The following VDAC2 variants were observed in gnomAD, a reference collection of about 807,000 sequenced individuals.
VDAC2 encodes the protein voltage dependent anion channel 2, also known as non-selective voltage-gated ion channel VDAC2.
VDAC2 carries 6 observed loss-of-function variants against 36.6 expected under a neutral mutation model. The observed-to-expected ratio is 0.16, with a 90% CI of 0.09 to 0.32. The LOEUF (loss-of-function observed/expected upper bound fraction) is 0.32. VDAC2 is among the 10% of genes least tolerant of loss of function. The pLI is 1.00. For synonymous variants in VDAC2, 109 were observed against 123.8 expected (o/e 0.88, Z 0.79); for missense variants, 247 against 346.0 (o/e 0.71, Z 2.27).
intron 7 of VDAC2, 79 bp from the exon 8 acceptor site, chr10:75,222,173 G>A: frequency 7.1e-7 from 1 of 1,411,742 alleles, no homozygotes; most frequent in Non-Finnish European, 9.6e-7. Flanking sequence ...TTATTTAAAT[G>A]TAATGCTACA....
chr10:75,222,964 T>C (rs1306063491), intron 8 of VDAC2, among the ~76,000 whole-genome samples: 1 of 151,448 alleles, frequency 6.6e-6, no homozygotes, highest in African/African-American at 2.4e-5. Flanking sequence ...GCTAGTATTT[T>C]AATCATCACT....
rs544811360 is a variant in VDAC2 at position 75,211,060 on chromosome 10, C to T, written c.-25-74C>T. ...AGATGGCCGCGCTGCCCCGCGGCCC[C>T]TCGCCCCTCTCTGCCCGGGATCTCC... On this transcript the variant is annotated intron_variant, in intron 1 of 9. Coordinates refer to ENST00000332211, the MANE Select transcript of VDAC2 (RefSeq NM_001391963.1). The T allele has an allele frequency of 2.7e-5, 38 of 1,410,276 alleles. No individual in the cohort carries two copies. The Middle Eastern group carries it at 5.4e-4, about 20-fold the overall frequency. The allele number at this position is 1,410,276 out of a possible 1,614,324, so 87.4% of individuals were successfully genotyped here.
intron 8 of VDAC2, among the ~76,000 whole-genome samples, chr10:75,223,303 C>T (rs1302043122): frequency 6.6e-6 from 1 of 152,116 alleles, no homozygotes; most frequent in Non-Finnish European, 1.5e-5. Context: ...AATTGCACTA[C>T]AGCAATAAAA....
chr10:75,214,967 G>A (rs1841554030), intron 4 of VDAC2, among the ~76,000 whole-genome samples: 1 of 152,016 alleles, frequency 6.6e-6, no homozygotes, highest in African/African-American at 2.4e-5. Context: ...TGCAGTGAGT[G>A]CAGTGGCACA....
chr10:75,230,257 C>T (rs1842065466), intron 9 of VDAC2, among the ~76,000 whole-genome samples: 1 of 152,114 alleles, frequency 6.6e-6, no homozygotes, highest in African/African-American at 2.4e-5. Context: ...ATTTTGAAAC[C>T]TAAAGAAAAG....
intron 8 of VDAC2, 142 bp downstream of exon 8, chr10:75,222,544 T>C (rs1841843827): frequency 1.7e-6 from 2 of 1,166,368 alleles, no homozygotes; most frequent in East Asian, 4.7e-5. Flanking sequence ...TGAAATGCGC[T>C]TTTTTGATGG....
intron 4 of VDAC2, chr10:75,217,878 C>T (rs979838706): frequency 1.6e-6 from 2 of 1,258,158 alleles, no homozygotes; most frequent in Non-Finnish European, 2.1e-6. Flanking sequence ...TGATATTTCT[C>T]ACTCTACAGA....
At chr10:75,227,038 C>G (rs1410747238) in intron 8 of VDAC2, among the ~76,000 whole-genome samples, 1 of 152,158 alleles carries the variant, frequency 6.6e-6, no homozygotes, top group Non-Finnish European at 1.5e-5. Flanking sequence ...AACAATAATA[C>G]ATTCATGTCA....
intron 3 of VDAC2, among the ~76,000 whole-genome samples, chr10:75,213,340 G>A (rs1589997942): frequency 6.6e-6 from 1 of 152,204 alleles, no homozygotes; most frequent in South Asian, 2.1e-4. Flanking sequence ...TCGACTACCC[G>A]AAGTGCTAGG....
At position 75,211,442 on chromosome 10, in the gene VDAC2, A is replaced by G. The variant is rs1564707927; in HGVS notation, c.31+253A>G. ...GCCTTTGTACATGTCTTTGACGTAT[A>G]GAAGTAAAAAGTTGTTAATTGGGGA... On this transcript the variant is annotated intron_variant, in intron 2 of 9. Transcript: ENST00000332211. 2.0e-6 allele frequency: 3 copies of G among 1,485,432 alleles called. No homozygotes were observed. In the East Asian group the frequency reaches 7.4e-5, roughly 37 times the overall value. 92.0% of individuals were successfully genotyped at this position (1,485,432 alleles called of 1,614,324 possible).
intron 4 of VDAC2, among the ~76,000 whole-genome samples, chr10:75,214,877 C>T (rs1034088693): frequency 1.3e-5 from 2 of 151,744 alleles, no homozygotes; most frequent in Non-Finnish European, 2.9e-5. Flanking sequence ...CTTGATAGTT[C>T]AATGAACTGT....
intron 8 of VDAC2, among the ~76,000 whole-genome samples, chr10:75,226,871 A>T (rs1332297172): frequency 6.6e-6 from 1 of 152,206 alleles, no homozygotes; most frequent in Non-Finnish European, 1.5e-5. Flanking sequence ...GCTGGTTGCT[A>T]GGGAACAAAC....
At chr10:75,212,871 C>T (rs1053659477) in intron 3 of VDAC2, among the ~76,000 whole-genome samples, 1 of 151,918 alleles carries the variant, frequency 6.6e-6, no homozygotes, top group East Asian at 1.9e-4. Flanking sequence ...TCAGTTATAG[C>T]TTAGGCCCTG....
chr10:75,211,683 A>G (rs1360312554), intron 2 of VDAC2: 5 of 1,550,340 alleles, frequency 3.2e-6, no homozygotes, highest in Non-Finnish European at 4.4e-6. Context: ...GCTATTTGAT[A>G]TTTAGTTGAT....
intron 6 of VDAC2, among the ~76,000 whole-genome samples, chr10:75,220,241 G>A (rs1054690236): frequency 2.0e-5 from 3 of 152,160 alleles, no homozygotes; most frequent in African/African-American, 7.2e-5. Context: ...GAGTAGCTGG[G>A]ATTACAGGCA....
At chr10:75,227,538 A>C (rs1841988166) in intron 8 of VDAC2, among the ~76,000 whole-genome samples, 2 of 147,466 alleles carry the variant, frequency 1.4e-5, no homozygotes, top group Non-Finnish European at 3.0e-5. Context: ...ACTCCTTATC[A>C]CAGTTTCATG....
intron 4 of VDAC2, chr10:75,217,826 G>A (rs1448666154): frequency 3.0e-6 from 3 of 1,012,474 alleles, no homozygotes; most frequent in Non-Finnish European, 3.9e-6. Flanking sequence ...TCTATTTTCT[G>A]AGAGAAGGTT....
Position 75,229,690 on chromosome 10 carries a change from C to T in VDAC2, c.782C>T (p.Thr261Ile). The T allele has an allele frequency of 6.2e-7, 1 of 1,602,884 alleles. No individual in the cohort carries two copies. The highest frequency in any genetic ancestry group is 8.5e-7 in the Non-Finnish European group (1 of 1,176,752). Residue 261 changes from threonine to isoleucine, a missense_variant, in exon 9 of 10, where the codon ACT becomes ATT. By Grantham distance (89) the Thr-to-Ile change is moderately conservative (BLOSUM62 -1). This residue lies in a region of VDAC2 where 159 missense variants were observed against 234.0 expected (regional missense o/e 0.68). Coordinates refer to ENST00000332211, the MANE Select transcript of VDAC2 (RefSeq NM_001391963.1). ...TTAATTGGAGTAGGCTATACTCAGA[C>T]TCTGAGGCCTGGTAAGTATTCTTGA... ...SSLIGVGYTQ[T>I]LRPGVKLTLS...
chr10:75,216,118 A>G (rs1841596577), intron 4 of VDAC2, among the ~76,000 whole-genome samples: 1 of 152,184 alleles, frequency 6.6e-6, no homozygotes, highest in African/African-American at 2.4e-5. Context: ...TGATTGGATG[A>G]CTTATTTGGC....
Sources: gnomAD v4.1 joint callset for allele counts (sites outside exome capture counted in the v4.1 genomes callset) on GRCh38, gnomAD v4.1.1 for gene constraint, gnomAD v4.1.1 regional missense constraint, MANE v1.5 for transcripts, NCBI Gene and HGNC (gene_info 2026-07-23, HGNC 2026-07-21) for gene names.